Variants in SGCZ observed in about 807,000 individuals in gnomAD.
SGCZ encodes the protein zeta-sarcoglycan.
SGCZ carries 40 observed loss-of-function variants against 41.3 expected under a neutral mutation model. The ratio of observed to expected loss-of-function variants is 0.97; its 90% CI spans 0.75 to 1.26. The LOEUF is 1.26. Ranked by LOEUF, SGCZ falls within the 50% of genes most tolerant of loss-of-function variation. The pLI is 0.00. For missense variants in SGCZ, 552 were observed against 369.8 expected (o/e 1.49, Z -4.04); for synonymous variants, 206 against 137.5 (o/e 1.50, Z -3.49).
chr8:14,233,179 C>G (rs1213388606), intron 4 of SGCZ, among the ~76,000 whole-genome samples: 2 of 151,894 alleles, frequency 1.3e-5, no homozygotes, highest in African/African-American at 4.8e-5. Flanking sequence ...CATTTTTATC[C>G]TTCAGCTATA....
intron 1 of SGCZ, among the ~76,000 whole-genome samples, chr8:14,573,038 T>C (rs934122238): frequency 1.3e-5 from 2 of 152,186 alleles, no homozygotes; most frequent in Non-Finnish European, 2.9e-5. Context: ...CAAATGAATG[T>C]AATTTGTGCT....
chr8:14,689,499 T>C (rs1265464885), intron 1 of SGCZ, among the ~76,000 whole-genome samples: 3 of 152,172 alleles, frequency 2.0e-5, no homozygotes, highest in Non-Finnish European at 4.4e-5. Context: ...TTTACAGTAG[T>C]TATTTTGATA....
At chr8:14,786,083 A>G (rs1800757916) in intron 1 of SGCZ, among the ~76,000 whole-genome samples, 1 of 135,954 alleles carries the variant, frequency 7.4e-6, no homozygotes, top group Non-Finnish European at 1.5e-5. Context: ...AGTAAGTGGT[A>G]TACTGAAAAA....
At chr8:14,365,280 A>G (rs1803660277) in intron 2 of SGCZ, among the ~76,000 whole-genome samples, 1 of 151,970 alleles carries the variant, frequency 6.6e-6, no homozygotes, top group Non-Finnish European at 1.5e-5. Context: ...CTTCTGTTCC[A>G]CTTTTGTCCA....
intron 1 of SGCZ, among the ~76,000 whole-genome samples, chr8:14,615,507 T>C (rs1327888941): frequency 2.6e-5 from 4 of 152,210 alleles, no homozygotes; most frequent in Non-Finnish European, 4.4e-5. Context: ...ATTTAATTTG[T>C]CTAAAGTTTT....
At chr8:14,760,869 T>C (rs892183101) in intron 1 of SGCZ, among the ~76,000 whole-genome samples, 1 of 152,196 alleles carries the variant, frequency 6.6e-6, no homozygotes, top group Non-Finnish European at 1.5e-5. Context: ...CTTTTTCATG[T>C]GTGTGAAATA....
intron 3 of SGCZ, among the ~76,000 whole-genome samples, chr8:14,253,386 A>T (rs1799354268): frequency 6.6e-6 from 1 of 152,102 alleles, no homozygotes; most frequent in Non-Finnish European, 1.5e-5. Context: ...CATAGTGCTT[A>T]CTTGTACTAT....
intron 1 of SGCZ, among the ~76,000 whole-genome samples, chr8:15,197,889 C>T (rs1014038865): frequency 2.6e-5 from 4 of 151,376 alleles, no homozygotes; most frequent in African/African-American, 9.7e-5. Context: ...TATATATACA[C>T]ACACACACAC....
At chr8:14,341,298 T>G (rs1802695251) in intron 2 of SGCZ, among the ~76,000 whole-genome samples, 1 of 152,212 alleles carries the variant, frequency 6.6e-6, no homozygotes, top group Admixed American at 6.5e-5. Context: ...GAAAGCAGAT[T>G]TGCTGCATCA....
chr8:14,380,542 C>G (rs138582151), intron 2 of SGCZ, among the ~76,000 whole-genome samples: 1 of 152,232 alleles, frequency 6.6e-6, no homozygotes, highest in South Asian at 2.1e-4. Context: ...ATACAGGCAT[C>G]AAAGTTCAAA....
chr8:14,145,481 C>A (rs1803492746), intron 5 of SGCZ, among the ~76,000 whole-genome samples: 1 of 152,044 alleles, frequency 6.6e-6, no homozygotes. Flanking sequence ...TACAATAATC[C>A]CAGACAGTGG....
chr8:14,948,047 G>A (rs544393729), intron 1 of SGCZ, among the ~76,000 whole-genome samples: 3 of 152,246 alleles, frequency 2.0e-5, no homozygotes, highest in South Asian at 2.1e-4. Context: ...TATGGAGAAG[G>A]ACAGAAGAGA....
intron 2 of SGCZ, among the ~76,000 whole-genome samples, chr8:14,550,984 C>G (rs1469576563): frequency 2.0e-5 from 3 of 151,902 alleles, no homozygotes; most frequent in African/African-American, 7.2e-5. Flanking sequence ...AGACTTCTTT[C>G]CCCAATTTGT....
chr8:14,575,905 C>CAAA (rs71209062), intron 1 of SGCZ, among the ~76,000 whole-genome samples: 2 of 127,596 alleles, frequency 1.6e-5, no homozygotes, highest in African/African-American at 3.0e-5. Flanking sequence ...GACCCTGTCT[C>CAAA]AAAATAACAA....
chr8:14,439,100 G>A (rs1020430442), intron 2 of SGCZ, among the ~76,000 whole-genome samples: 2 of 151,890 alleles, frequency 1.3e-5, no homozygotes, highest in Non-Finnish European at 2.9e-5. Flanking sequence ...ACATCAAGGA[G>A]GAAAAGATTC....
intron 1 of SGCZ, among the ~76,000 whole-genome samples, chr8:14,854,016 TTATATTA>T (rs1803447633): frequency 1.0e-5 from 1 of 95,706 alleles, no homozygotes; most frequent in African/African-American, 4.3e-5. Flanking sequence ...TTCTATGTGA[TTATATTA>T]TATATATATA....
intron 2 of SGCZ, among the ~76,000 whole-genome samples, chr8:14,410,338 C>G (rs1014027248): frequency 3.3e-5 from 5 of 151,004 alleles, no homozygotes; most frequent in Non-Finnish European, 5.9e-5. Flanking sequence ...TCTGAGCATT[C>G]TGAGTATGTA....
intron 1 of SGCZ, among the ~76,000 whole-genome samples, chr8:14,970,240 T>G (rs999416596): frequency 1.3e-5 from 2 of 152,156 alleles, no homozygotes; most frequent in African/African-American, 4.8e-5. Context: ...TAGAACTTTT[T>G]ATATACTCTG....
chr8:14,291,911 G>A (rs1800852990), intron 3 of SGCZ, among the ~76,000 whole-genome samples: 1 of 151,954 alleles, frequency 6.6e-6, no homozygotes, highest in South Asian at 2.1e-4. Context: ...CGCATTCTGA[G>A]TTTCTGTCTA....
Sources: allele counts gnomAD v4.1 joint callset (sites outside exome capture counted in the v4.1 genomes callset), GRCh38; gene constraint gnomAD v4.1.1; transcripts MANE v1.5; gene names NCBI Gene and HGNC (gene_info 2026-07-23, HGNC 2026-07-21).